The following TRMT5 variants were observed in gnomAD, a reference collection of about 807,000 sequenced individuals.
TRMT5 encodes tRNA (guanine(37)-N(1))-methyltransferase.
A neutral mutation model predicts 42.2 loss-of-function variants in TRMT5; 31 were observed. That is an observed-to-expected ratio of 0.73 (90% confidence interval 0.55 to 0.99). The LOEUF is 0.99. Among genes scored for constraint, TRMT5 ranks in the 50% least tolerant of loss-of-function variants. The pLI, the probability that TRMT5 is intolerant of heterozygous loss-of-function variation, is 0.00. For synonymous variants in TRMT5, 198 were observed against 209.6 expected (o/e 0.94, Z 0.48); for missense variants, 568 against 595.0 (o/e 0.95, Z 0.47).
In TRMT5 at chr14:60,975,059, C is replaced by T. The variant is rs1457779012; in HGVS notation, c.*50G>A. On this transcript the variant is annotated 3_prime_UTR_variant, in exon 5 of 5. Transcript: ENST00000261249. ...AAAATTTTATTAAATAATACAAATT[C>T]TATTTCACTACATGTAAGTCTGGTA... 7.0e-7 allele frequency: 1 copy of T among 1,425,704 alleles called. No individual in the cohort carries two copies. The highest frequency in any genetic ancestry group is 1.3e-5 in the South Asian group (1 of 77,766). The allele number at this position is 1,425,704 out of a possible 1,614,324, so 88.3% of individuals were successfully genotyped here. A position where few individuals can be genotyped will look rare whatever the true frequency, so the allele number is the denominator to read the frequency against.
upstream of TRMT5, chr14:60,981,165 C>A: frequency 6.5e-7 from 1 of 1,534,516 alleles, no homozygotes; most frequent in Non-Finnish European, 8.8e-7. Flanking sequence ...TGGTGAAGTA[C>A]GGAATGCCGG....
At position 60,975,292 on chromosome 14, in the gene TRMT5, T is replaced by C; in HGVS notation, c.1445-98A>G. 3 of 1,325,494 alleles carry C rather than the reference T, an allele frequency of 2.3e-6. No individual in the cohort carries two copies. The South Asian group carries it at 4.3e-5, about 19-fold the overall frequency. The allele number at this position is 1,325,494 out of a possible 1,614,324, so 82.1% of individuals were successfully genotyped here. A position where few individuals can be genotyped will look rare whatever the true frequency, so the allele number is the denominator to read the frequency against. ...TATAGGCATTTTTAATCTAGTCAAC[T>C]TAAACATGAAATAACATTCTTGCAG... On this transcript the variant is annotated intron_variant, in intron 4 of 4. Transcript: ENST00000261249.
chr14:60,975,811 G>A lies in TRMT5; in HGVS notation c.1108C>T (p.Gln370Ter). 6.2e-7 allele frequency: 1 copy of A among 1,614,236 alleles called. No homozygotes were observed. Among genetic ancestry groups the A allele is most frequent in the Non-Finnish European group, 8.5e-7 (1 of 1,180,048 alleles). The part of the protein sequence containing the change: ...LQGPVKEELM[Q>*]LLGLSKERKP... The stretch of plus-strand genomic sequence containing the variant: ...CTTTCTTTTGACAGACCCAGCAGCT[G>A]CATTAACTCTTCTTTGACTGGTCCT... Residue 370 changes from glutamine to a stop codon, truncating the protein, a stop_gained, in exon 4 of 5, where the codon CAG becomes TAG. Transcript: ENST00000261249. LOFTEE classifies it high-confidence loss of function.
At chr14:60,981,272 A>C, upstream of TRMT5, 1 of 1,596,954 alleles carries the variant, frequency 6.3e-7, no homozygotes, top group East Asian at 2.3e-5. Flanking sequence ...TCAGCTGGAG[A>C]GCAGCATGGA....
intron 4 of TRMT5, 94 bp downstream of exon 4, chr14:60,975,381 C>T: frequency 6.8e-7 from 1 of 1,466,894 alleles, no homozygotes; most frequent in Non-Finnish European, 9.2e-7. Context: ...TTCTATTAGA[C>T]TGAACTAATA....
intron 1 of TRMT5, 142 bp from the exon 2 acceptor site, chr14:60,980,028 G>T: frequency 1.0e-6 from 1 of 959,380 alleles, no homozygotes; most frequent in Non-Finnish European, 1.5e-6. Flanking sequence ...TTCCAGACTA[G>T]GATGACTTCT....
At chr14:60,981,206 G>C, upstream of TRMT5, 1 of 1,544,406 alleles carries the variant, frequency 6.5e-7, no homozygotes, top group Admixed American at 2.0e-5. Flanking sequence ...CGCCTCTGGC[G>C]CGACCGACGA....
chr14:60,979,798 C>A lies in TRMT5; in HGVS notation c.100G>T (p.Ala34Ser), dbSNP rs1411896712. Residue 34 changes from alanine (A) to serine (S), a missense_variant, in exon 2 of 5, where the codon GCT becomes TCT. Transcript: ENST00000261249. ...AGCATCTGTGTCAGGGATGTCCAAG[C>A]TACTGGAATCAACGATTTTGATTCA... ...ITESKSLIPVAWTSLTQMLLE... is the reference protein window; with the variant it reads ...ITESKSLIPVSWTSLTQMLLE... 1 of 1,613,510 alleles carries A rather than the reference C, an allele frequency of 6.2e-7. No individual in the cohort carries two copies. Among genetic ancestry groups the A allele is most frequent in the South Asian group, 1.1e-5 (1 of 91,068 alleles).
intron 2 of TRMT5, among the ~76,000 whole-genome samples, chr14:60,978,531 A>C (rs745573355): frequency 2.0e-5 from 3 of 152,172 alleles, no homozygotes; most frequent in Non-Finnish European, 4.4e-5. Context: ...AACTATTCTG[A>C]AGGTCTATAG....
intron 1 of TRMT5, among the ~76,000 whole-genome samples, chr14:60,980,431 G>C (rs1020804488): frequency 1.1e-4 from 16 of 152,186 alleles, no homozygotes; most frequent in African/African-American, 3.9e-4. Context: ...CAGCTGATAA[G>C]TGGCTAAACA....
Position 60,975,684 on chromosome 14 carries a change from A to C in TRMT5, c.1235T>G (p.Phe412Cys). The C allele has an allele frequency of 2.5e-6, 4 of 1,614,224 alleles. No individual in the cohort carries two copies. Among genetic ancestry groups the C allele is most frequent in the Non-Finnish European group, 3.4e-6 (4 of 1,180,030 alleles). The part of the protein sequence containing the change: ...LLDGQPCSSE[F>C]LPIVHCYSFS... ...GCTATAACAATGCACTATGGGAAGG[A>C]ACTCACTGCTGCATGGCTGCCCATC... Residue 412 changes from phenylalanine (F) to cysteine (C), a missense_variant, in exon 4 of 5, where the codon TTC (phenylalanine) becomes TGC (cysteine). Transcript: ENST00000261249.
chr14:60,975,710 T>G lies in TRMT5; in HGVS notation c.1209A>C (p.Leu403Phe), dbSNP rs1005796535. The G allele has an allele frequency of 6.2e-7, 1 of 1,614,110 alleles. No homozygotes were observed. Among genetic ancestry groups the G allele is most frequent in the Admixed American group, 1.7e-5 (1 of 60,016 alleles). Residue 403 changes from leucine to phenylalanine, a missense_variant, in exon 4 of 5, where the codon TTA (leucine) becomes TTC (phenylalanine). Physicochemically the swap from Leu to Phe is conservative, Grantham distance 22. Transcript: ENST00000261249. ...ACTCACTGCTGCATGGCTGCCCATC[T>G]AAAAGCCACTTGAAAGCACTAAGAA... ...IEFLSAFKWLLDGQPCSSEFL... is the reference protein window; with the variant it reads ...IEFLSAFKWLFDGQPCSSEFL...
intron 2 of TRMT5, among the ~76,000 whole-genome samples, chr14:60,978,786 C>A (rs557497440): frequency 3.3e-5 from 5 of 152,236 alleles, no homozygotes; most frequent in Admixed American, 3.3e-4. Context: ...AAATGTGTAA[C>A]AGGACAGTAT....
chr14:60,979,235 TA>T lies in TRMT5; in HGVS notation c.662del (p.Leu221Ter), dbSNP rs2036887792. 6.2e-7 allele frequency: 1 copy of T among 1,600,522 alleles called. No individual in the cohort carries two copies. The highest frequency in any genetic ancestry group is 1.1e-5 in the South Asian group (1 of 88,448). On this transcript the variant is annotated frameshift_variant, in exon 2 of 5. Coordinates refer to ENST00000261249, the MANE Select transcript of TRMT5 (RefSeq NM_020810.3). LOFTEE classifies it high-confidence loss of function. Reference protein sequence around the residue: ...LRDHQLPFKHLIGQVMIDKNP... With the variant: ...LRDHQLPFKHXIGQVMIDKNP... Reference sequence around the variant, plus strand: ...ATATTACTATGACACACGTACCAATTAAATGTTTGAAAGGCAGCTGATGATC... The same window carrying T: ...ATATTACTATGACACACGTACCAATTAATGTTTGAAAGGCAGCTGATGATC...
chr14:60,976,512 AAAC>A, intron 3 of TRMT5, among the ~76,000 whole-genome samples: 1 of 152,322 alleles, frequency 6.6e-6, no homozygotes, highest in African/African-American at 2.4e-5. Flanking sequence ...TACAATTTTG[AAAC>A]AACACACCAC....
rs778746469 is a variant in TRMT5 at position 60,973,251 on chromosome 14, A to C, written c.*1858T>G. Reference sequence around the variant, plus strand: ...TATAAAGAAATACTTGATACTGGGTAATTTATAAGAAAAGAGGTATAATTG... The same window carrying C: ...TATAAAGAAATACTTGATACTGGGTCATTTATAAGAAAAGAGGTATAATTG... On this transcript the variant is annotated 3_prime_UTR_variant, in exon 5 of 5. Coordinates refer to ENST00000261249, the MANE Select transcript of TRMT5 (RefSeq NM_020810.3). 2.6e-5 allele frequency: 4 copies of C among 152,222 alleles called. No individual in the cohort carries two copies. Among genetic ancestry groups the C allele is most frequent in the African/African-American group, 4.8e-5 (2 of 41,458 alleles). The allele number at this position is 152,222 out of a possible 1,614,324, so 9.4% of individuals were successfully genotyped here. A position where few individuals can be genotyped will look rare whatever the true frequency, so the allele number is the denominator to read the frequency against.
chr14:60,981,073 C>G lies in TRMT5; in HGVS notation c.-100G>C, dbSNP rs1186633427. 1 of 1,604,868 alleles carries G rather than the reference C, an allele frequency of 6.2e-7. No homozygotes were observed. Among genetic ancestry groups the G allele is most frequent in the African/African-American group, 1.3e-5 (1 of 74,834 alleles). ...GTGGGTCGCGGGTGGATGGGCGGGT[C>G]TTCTATGACATCATCACTGTTCGCC... On this transcript the variant is annotated 5_prime_UTR_variant, in exon 1 of 5. Coordinates refer to ENST00000261249, the MANE Select transcript of TRMT5 (RefSeq NM_020810.3).
upstream of TRMT5, chr14:60,981,420 T>G (rs1157159645): frequency 1.9e-6 from 3 of 1,555,700 alleles, no homozygotes; most frequent in Non-Finnish European, 1.7e-6. Context: ...GCTGACGCCC[T>G]CCGGCTTCCC....
Position 60,972,358 on chromosome 14 carries a change from G to A in TRMT5, c.*2751C>T. 1.8e-6 allele frequency: 1 copy of A among 544,172 alleles called. No individual in the cohort carries two copies. The allele number at this position is 544,172 out of a possible 1,614,324, so 33.7% of individuals were successfully genotyped here. On this transcript the variant is annotated 3_prime_UTR_variant, in exon 5 of 5. Transcript: ENST00000261249. Reference sequence around the variant, plus strand: ...GGGGCCTTTTTAGGCTTGGGCTCTGGCTTTGGAGGAGCAGGTTTAGCAGAC... The same window carrying A: ...GGGGCCTTTTTAGGCTTGGGCTCTGACTTTGGAGGAGCAGGTTTAGCAGAC...
Sources: allele counts gnomAD v4.1 joint callset (sites outside exome capture counted in the v4.1 genomes callset), GRCh38; gene constraint gnomAD v4.1.1; transcripts MANE v1.5; gene names NCBI Gene and HGNC (gene_info 2026-07-23, HGNC 2026-07-21).